The following BST1 variants were observed in gnomAD, a reference collection of about 807,000 sequenced individuals.
BST1 encodes ADP-ribosyl cyclase/cyclic ADP-ribose hydrolase 2.
BST1 carries 49 observed loss-of-function variants against 40.6 expected under a neutral mutation model. The observed-to-expected ratio is 1.21, with a 90% CI of 0.96 to 1.53. BST1 has a LOEUF of 1.53. BST1 is among the 40% of genes most tolerant of loss of function. BST1 has a pLI of 0.00. For synonymous variants in BST1, 157 were observed against 159.3 expected (o/e 0.99, Z 0.11); for missense variants, 423 against 395.9 (o/e 1.07, Z -0.58).
chr4:15,762,178 G>T, the BST1 span, among the ~76,000 whole-genome samples: 1 of 105,138 alleles, frequency 9.5e-6, no homozygotes, highest in Non-Finnish European at 1.7e-5. Flanking sequence ...GACGGAGTGA[G>T]ACTCCATCTC....
chr4:15,705,016 C>T, intron 1 of BST1: 1 of 738,314 alleles, frequency 1.4e-6, no homozygotes, highest in South Asian at 1.4e-5. Context: ...TGAAAACTAG[C>T]ATGGACCTCA....
downstream of BST1, chr4:15,743,305 TA>T: frequency 9.1e-6 from 3 of 329,984 alleles, no homozygotes; most frequent in Non-Finnish European, 5.9e-6. Flanking sequence ...ACCAAACAGC[TA>T]AACAGAACAA....
chr4:15,730,708 G>C (rs978327607), intron 8 of BST1, among the ~76,000 whole-genome samples: 1 of 152,194 alleles, frequency 6.6e-6, no homozygotes, highest in African/African-American at 2.4e-5. Flanking sequence ...TTTCAATGAC[G>C]TGTGTGCTCA....
the BST1 span, among the ~76,000 whole-genome samples, chr4:15,773,699 G>A: frequency 6.6e-6 from 1 of 152,238 alleles, no homozygotes; most frequent in Non-Finnish European, 1.5e-5. Flanking sequence ...AGGAGACTGA[G>A]GCAGGAGGAT....
chr4:15,753,209 T>A, the BST1 span, among the ~76,000 whole-genome samples: 1 of 152,192 alleles, frequency 6.6e-6, no homozygotes, highest in African/African-American at 2.4e-5. Context: ...CACGCTGCAT[T>A]CTTCTTCTAA....
At chr4:15,759,472 T>G in the BST1 span, among the ~76,000 whole-genome samples, 1 of 152,002 alleles carries the variant, frequency 6.6e-6, no homozygotes, top group African/African-American at 2.4e-5. Flanking sequence ...GCTCAGTTAA[T>G]GTTTCTGCTC....
chr4:15,706,194 A>G (rs375813914), intron 2 of BST1, among the ~76,000 whole-genome samples: 18 of 152,192 alleles, frequency 1.2e-4, no homozygotes, highest in African/African-American at 4.3e-4. Flanking sequence ...TCAGTTTCCA[A>G]TAGTGATTGT....
chr4:15,769,408 G>T, the BST1 span, among the ~76,000 whole-genome samples: 1 of 152,198 alleles, frequency 6.6e-6, no homozygotes, highest in Non-Finnish European at 1.5e-5. Context: ...CTTCTAGTGG[G>T]GGAACTGAAG....
the BST1 span, among the ~76,000 whole-genome samples, chr4:15,757,048 G>T: frequency 6.6e-6 from 1 of 152,212 alleles, no homozygotes; most frequent in Non-Finnish European, 1.5e-5. Flanking sequence ...GAAGAGGGCT[G>T]TTCCTAGACA....
intron 1 of BST1, among the ~76,000 whole-genome samples, chr4:15,705,284 C>T (rs1719816304): frequency 6.6e-6 from 1 of 151,952 alleles, no homozygotes. Context: ...TGGGGCAAGG[C>T]TGTATTCCTT....
At chr4:15,760,881 A>C in the BST1 span, among the ~76,000 whole-genome samples, 1 of 149,722 alleles carries the variant, frequency 6.7e-6, no homozygotes, top group Admixed American at 6.6e-5. Flanking sequence ...TTTTTAGTAG[A>C]GATGGGGTTT....
downstream of BST1, chr4:15,743,268 C>A: frequency 8.2e-6 from 2 of 242,604 alleles, no homozygotes; most frequent in South Asian, 1.2e-4. Context: ...TGACACTCAA[C>A]AGAAGGTGAA....
At chr4:15,706,590 C>G (rs1205649172) in intron 2 of BST1, among the ~76,000 whole-genome samples, 1 of 152,108 alleles carries the variant, frequency 6.6e-6, no homozygotes, top group Non-Finnish European at 1.5e-5. Context: ...TGCTAGACAC[C>G]ATTTTTGTTT....
chr4:15,728,453 T>C (rs1239780860), intron 8 of BST1, among the ~76,000 whole-genome samples: 24 of 147,044 alleles, frequency 1.6e-4, no homozygotes, highest in East Asian at 3.9e-4. Flanking sequence ...CTTTTTCTTT[T>C]TTTTTTTTTT....
At position 15,705,623 on chromosome 4, in the gene BST1, C is replaced by T; in HGVS notation, c.297C>T (p.His99=). ...DYDLFINLSR[H]SIPRDKSLFW... ...ACCTTTTTATTAACTTGTCCAGGCACTCTATTCCCAGAGATAAGGTAACAC... is the reference window on the plus strand; with the variant it reads ...ACCTTTTTATTAACTTGTCCAGGCATTCTATTCCCAGAGATAAGGTAACAC... The change falls in exon 2 of 9, where the codon CAC becomes CAT. Residue 99 remains histidine, a synonymous_variant. Transcript: ENST00000265016. The T allele has an allele frequency of 6.2e-7, 1 of 1,614,070 alleles. No individual in the cohort carries two copies. Among genetic ancestry groups the T allele is most frequent in the Non-Finnish European group, 8.5e-7 (1 of 1,179,934 alleles).
intron 7 of BST1, among the ~76,000 whole-genome samples, chr4:15,721,425 CTTT>C (rs1720802064): frequency 6.6e-6 from 1 of 152,170 alleles, no homozygotes; most frequent in African/African-American, 2.4e-5. Context: ...CAGATAACTA[CTTT>C]TATTAAAAAT....
chr4:15,736,808 TTA>T (rs1010387892), downstream of BST1, among the ~76,000 whole-genome samples: 6 of 152,174 alleles, frequency 3.9e-5, no homozygotes, highest in African/African-American at 1.4e-4. Context: ...CCATTTGTTT[TTA>T]TGTCTCTCTC....
Position 15,731,589 on chromosome 4 carries a change from C to G in BST1, c.852-151C>G, listed in dbSNP as rs567249501. ...GGTTTCGGTGCAGGACTTCGCGCAC[C>G]GCCTCCTACGGGGTGTCACGGGAGA... On this transcript the variant is annotated intron_variant, in intron 8 of 8. Coordinates refer to ENST00000265016, the MANE Select transcript of BST1 (RefSeq NM_004334.3). The G allele has an allele frequency of 6.1e-6, 7 of 1,144,990 alleles. No individual in the cohort carries two copies. The East Asian group carries it at 1.5e-4, about 25-fold the overall frequency. The allele number at this position is 1,144,990 out of a possible 1,614,324, so 70.9% of individuals were successfully genotyped here. A position where few individuals can be genotyped will look rare whatever the true frequency, so the allele number is the denominator to read the frequency against.
At chr4:15,720,407 A>G (rs1402529283) in intron 7 of BST1, among the ~76,000 whole-genome samples, 2 of 152,070 alleles carry the variant, frequency 1.3e-5, no homozygotes, top group Non-Finnish European at 2.9e-5. Flanking sequence ...TAACAAGGTC[A>G]GGAGTTCGAG....
Sources: gnomAD v4.1 joint callset for allele counts (sites outside exome capture counted in the v4.1 genomes callset) on GRCh38, gnomAD v4.1.1 for gene constraint, MANE v1.5 for transcripts, NCBI Gene and HGNC (gene_info 2026-07-23, HGNC 2026-07-21) for gene names.